Variants in WDR49 observed in about 807,000 individuals in gnomAD.
The protein encoded by WDR49 is cilia- and flagella-associated protein 337.
WDR49 carries 107 observed loss-of-function variants against 119.5 expected under a neutral mutation model. That is an observed-to-expected ratio of 0.90 (90% CI 0.77 to 1.05). The LOEUF (loss-of-function observed/expected upper bound fraction) is 1.05, where lower values mean the gene tolerates loss of function less well. Among genes scored for constraint, WDR49 ranks in the 50% least tolerant of loss-of-function variants. The pLI, the probability that WDR49 is intolerant of heterozygous loss-of-function variation, is 0.00. For missense variants in WDR49, 1,240 were observed against 1,220.5 expected, an observed-to-expected ratio of 1.02 and a Z score of -0.24; for synonymous variants, 425 against 418.8, an observed-to-expected ratio of 1.01 and a Z score of -0.18.
intron 5 of WDR49, among the ~76,000 whole-genome samples, chr3:167,616,512 G>A (rs1414525611): frequency 2.6e-5 from 4 of 152,072 alleles, no homozygotes; most frequent in Admixed American, 6.5e-5. Context: ...AAACCACACA[G>A]AGCCTAGCAA....
At position 167,616,622 on chromosome 3, in the gene WDR49, T is replaced by TA. The variant is rs935167324; in HGVS notation, c.958+3806dup. 2.8e-4 allele frequency among the ~76,000 whole-genome samples: 41 copies of TA among 147,352 alleles called. 1 individual carries two copies. Among genetic ancestry groups the TA allele is most frequent in the Admixed American group, 2.6e-3 (39 of 14,974 alleles). Reference sequence around the variant, plus strand: ...GAAAGGCAAATAATTAGAGTCCTATTAAAAAAAAGAGAGAGAGAGAGAAAG... The same window carrying TA: ...GAAAGGCAAATAATTAGAGTCCTATTAAAAAAAAAGAGAGAGAGAGAGAAAG... On this transcript the variant is annotated intron_variant, in intron 5 of 18. Coordinates refer to ENST00000682715, the MANE Select transcript of WDR49 (RefSeq NM_001366157.1).
chr3:167,632,244 A>G (rs1423849908), intron 2 of WDR49, among the ~76,000 whole-genome samples: 1 of 152,106 alleles, frequency 6.6e-6, no homozygotes, highest in African/African-American at 2.4e-5. Flanking sequence ...AGAACAAGAA[A>G]CTACTCGGAC....
At chr3:167,493,133 TC>T (rs1751218325) in intron 18 of WDR49, among the ~76,000 whole-genome samples, 1 of 152,116 alleles carries the variant, frequency 6.6e-6, no homozygotes, top group African/African-American at 2.4e-5. Flanking sequence ...TCTGTGCTCC[TC>T]TCCCAAGAAT....
chr3:167,602,468 A>T (rs541637504), intron 6 of WDR49, among the ~76,000 whole-genome samples, 193 bp from the exon 7 acceptor site: 2 of 152,208 alleles, frequency 1.3e-5, no homozygotes, highest in South Asian at 4.1e-4. Flanking sequence ...GAAATAGTTG[A>T]AATGGAGGGA....
At chr3:167,523,380 T>TTA (rs1752523212) in intron 15 of WDR49, among the ~76,000 whole-genome samples, 1 of 135,896 alleles carries the variant, frequency 7.4e-6, no homozygotes, top group African/African-American at 2.8e-5. Flanking sequence ...ATGACATACA[T>TTA]TCTTTTTTTT....
intron 7 of WDR49, among the ~76,000 whole-genome samples, chr3:167,599,061 C>A (rs2108303213): frequency 6.6e-6 from 1 of 152,268 alleles, no homozygotes; most frequent in Non-Finnish European, 1.5e-5. Flanking sequence ...TGGGTCTTGC[C>A]AAAAGCCTGC....
At chr3:167,516,058 C>T (rs970664398) in intron 16 of WDR49, among the ~76,000 whole-genome samples, 1 of 152,112 alleles carries the variant, frequency 6.6e-6, no homozygotes, top group Non-Finnish European at 1.5e-5. Flanking sequence ...GCCATACTGC[C>T]CAAAGTAATT....
intron 16 of WDR49, among the ~76,000 whole-genome samples, chr3:167,509,133 T>G (rs1168339669): frequency 6.6e-6 from 1 of 152,226 alleles, no homozygotes; most frequent in Admixed American, 6.5e-5. Flanking sequence ...TTGTTTCTAA[T>G]AATGAATCCC....
chr3:167,619,015 A>T (rs1329319213), intron 5 of WDR49, among the ~76,000 whole-genome samples: 3 of 152,170 alleles, frequency 2.0e-5, no homozygotes, highest in Non-Finnish European at 4.4e-5. Flanking sequence ...ATAATGCATC[A>T]TCGGAAAAGA....
chr3:167,530,140 C>A (rs567304979), intron 13 of WDR49, among the ~76,000 whole-genome samples: 1 of 151,958 alleles, frequency 6.6e-6, no homozygotes, highest in African/African-American at 2.4e-5. Context: ...AAAGTTTATT[C>A]TAAACATCCC....
chr3:167,614,163 G>T (rs569039479), intron 5 of WDR49, among the ~76,000 whole-genome samples: 1 of 151,924 alleles, frequency 6.6e-6, no homozygotes, highest in Non-Finnish European at 1.5e-5. Context: ...GGGCAATGGC[G>T]CAATCTCGGC....
At chr3:167,631,612 G>C (rs1194733173) in intron 2 of WDR49, among the ~76,000 whole-genome samples, 2 of 152,092 alleles carry the variant, frequency 1.3e-5, no homozygotes, top group African/African-American at 4.8e-5. Flanking sequence ...AGTTCAGTGA[G>C]ATTCATTATG....
chr3:167,635,267 T>C (rs947546544), intron 2 of WDR49, among the ~76,000 whole-genome samples: 16 of 151,750 alleles, frequency 1.1e-4, no homozygotes, highest in Non-Finnish European at 2.9e-5. Flanking sequence ...AATTCTCTTC[T>C]AAAAGGTTAA....
rs1712827037 is a variant in WDR49, at chr3:167,554,803, A to C, written c.1675-5T>G. On this transcript the variant is annotated splice_polypyrimidine_tract_variant and splice_region_variant and intron_variant, in intron 9 of 18. Coordinates refer to ENST00000682715, the MANE Select transcript of WDR49 (RefSeq NM_001366157.1). The stretch of plus-strand genomic sequence containing the variant: ...ATATCCATTGAAGTCCCATATCTTT[A>C]AGAGAAAAATTAAAACCACTTTGAG... The C allele has an allele frequency of 6.3e-7, 1 of 1,593,326 alleles. No individual in the cohort carries two copies.
intron 5 of WDR49, among the ~76,000 whole-genome samples, chr3:167,607,462 C>T (rs765422689): frequency 1.3e-5 from 2 of 152,118 alleles, no homozygotes; most frequent in Admixed American, 6.6e-5. Context: ...TGAATCCTTC[C>T]TATGTACAAG....
intron 5 of WDR49, among the ~76,000 whole-genome samples, chr3:167,617,376 A>C (rs1716647781): frequency 6.6e-6 from 1 of 151,974 alleles, no homozygotes; most frequent in Non-Finnish European, 1.5e-5. Flanking sequence ...AAAATACAAA[A>C]ATTAGCCGGG....
At chr3:167,520,717 G>A (rs892768550) in intron 16 of WDR49, among the ~76,000 whole-genome samples, 1 of 152,132 alleles carries the variant, frequency 6.6e-6, no homozygotes, top group Non-Finnish European at 1.5e-5. Context: ...TTATTGAGAT[G>A]TTTAATACAA....
chr3:167,605,542 A>T (rs1461673316), intron 5 of WDR49, among the ~76,000 whole-genome samples: 1 of 152,180 alleles, frequency 6.6e-6, no homozygotes, highest in African/African-American at 2.4e-5. Context: ...CTTGGGAGAA[A>T]AAACGTGTAA....
chr3:167,581,222 T>C (rs1714512850), intron 7 of WDR49, among the ~76,000 whole-genome samples: 1 of 152,194 alleles, frequency 6.6e-6, no homozygotes. Flanking sequence ...GCATAATCTT[T>C]ATCTTCTTTT....
Sources: allele counts gnomAD v4.1 joint callset (sites outside exome capture counted in the v4.1 genomes callset), GRCh38; gene constraint gnomAD v4.1.1; transcripts MANE v1.5; gene names NCBI Gene and HGNC (gene_info 2026-07-23, HGNC 2026-07-21).